SLC38A9: variants seen among roughly 807,000 people sequenced by gnomAD.
SLC38A9 encodes the protein solute carrier family 38 member 9.
In SLC38A9, 48 loss-of-function variants were observed where a neutral mutation model predicts 62.3. The observed-to-expected ratio is 0.77, with a 90% CI of 0.61 to 0.98. The LOEUF is 0.98. Among genes scored for constraint, SLC38A9 ranks in the 50% least tolerant of loss-of-function variants. The probability of loss-of-function intolerance (pLI) is 0.00; values close to 1 mark genes in which losing one functional copy is unlikely to be tolerated. For synonymous variants in SLC38A9, 204 were observed against 227.7 expected, an observed-to-expected ratio of 0.90 and a Z score of 0.94; for missense variants, 541 against 679.8, an observed-to-expected ratio of 0.80 and a Z score of 2.27.
chr5:55,709,801 A>C (rs1757763443), intron 2 of SLC38A9, among the ~76,000 whole-genome samples: 1 of 151,960 alleles, frequency 6.6e-6, no homozygotes, highest in South Asian at 2.1e-4. Context: ...CGTGTGTGGC[A>C]CACGCCTGTA....
Position 55,645,823 on chromosome 5 carries a change from GTGATGATACAATTA to G in SLC38A9, c.1119_1132del (p.Asn374ThrfsTer48). 6.2e-7 allele frequency: 1 copy of G among 1,611,234 alleles called. No homozygotes were observed. Among genetic ancestry groups the G allele is most frequent in the Non-Finnish European group, 8.5e-7 (1 of 1,178,616 alleles). The stretch of plus-strand genomic sequence containing the variant: ...TTGTTTCTTGTTGTTCTTCAAGAGT[GTGATGATACAATTA>G]TGAATAAAAAAAGCAAGGGTAAGCA... On this transcript the variant is annotated frameshift_variant, in exon 12 of 16. Coordinates refer to ENST00000396865, the MANE Select transcript of SLC38A9 (RefSeq NM_173514.4). LOFTEE classifies it high-confidence loss of function.
At chr5:55,643,093 A>G (rs1745695162) in intron 12 of SLC38A9, among the ~76,000 whole-genome samples, 1 of 152,192 alleles carries the variant, frequency 6.6e-6, no homozygotes, top group South Asian at 2.1e-4. Context: ...TCTGCAGACA[A>G]GCCAACAAGT....
chr5:55,712,138 A>G (rs190839083), intron 1 of SLC38A9, 79 bp downstream of exon 1: 1 of 151,732 alleles, frequency 6.6e-6, no homozygotes, highest in Non-Finnish European at 1.5e-5. Flanking sequence ...CCCAACTTCA[A>G]CCCTTCCCGC....
intron 8 of SLC38A9, among the ~76,000 whole-genome samples, chr5:55,657,044 A>G (rs906417209): frequency 1.2e-4 from 18 of 152,092 alleles, no homozygotes; most frequent in African/African-American, 4.1e-4. Context: ...GTATTTTTTT[A>G]GTAGAAACAG....
At chr5:55,657,105 C>A (rs1200885123) in intron 8 of SLC38A9, among the ~76,000 whole-genome samples, 2 of 152,150 alleles carry the variant, frequency 1.3e-5, no homozygotes, top group Non-Finnish European at 2.9e-5. Flanking sequence ...TCGTGATCCA[C>A]CCACCTCGGC....
chr5:55,645,585 A>T (rs1746195352), intron 12 of SLC38A9, among the ~76,000 whole-genome samples: 1 of 152,266 alleles, frequency 6.6e-6, no homozygotes, highest in African/African-American at 2.4e-5. Flanking sequence ...AACAAAAACC[A>T]TAAGGCCTAC....
Position 55,698,948 on chromosome 5 carries a change from C to A in SLC38A9, c.-34-956G>T, listed in dbSNP as rs2150642750. ...GAGTGAGACCCTGTCTCAAATCAAA[C>A]AAAAAACAACAAAAAAACAAACTGG... On this transcript the variant is annotated intron_variant, in intron 2 of 15. Transcript: ENST00000396865. Among the ~76,000 whole-genome samples the A allele has an allele frequency of 1.3e-5, 2 of 151,456 alleles. 1 individual carries two copies. The highest frequency in any genetic ancestry group is 2.9e-5 in the Non-Finnish European group (2 of 67,804).
intron 3 of SLC38A9, among the ~76,000 whole-genome samples, chr5:55,673,015 A>G (rs1347925122): frequency 6.6e-6 from 1 of 152,222 alleles, no homozygotes; most frequent in African/African-American, 2.4e-5. Context: ...ATTTCCAACA[A>G]TGAAACTTAA....
At chr5:55,683,581 A>G (rs1004240403) in intron 3 of SLC38A9, among the ~76,000 whole-genome samples, 2 of 152,228 alleles carry the variant, frequency 1.3e-5, no homozygotes, top group Non-Finnish European at 2.9e-5. Context: ...TTTCCTAGAC[A>G]CATATATGTA....
chr5:55,652,389 A>C, intron 10 of SLC38A9, 140 bp downstream of exon 10: 1 of 447,366 alleles, frequency 2.2e-6, no homozygotes, highest in Middle Eastern at 6.0e-4. Context: ...AAAGAAAGAA[A>C]GAACAAAACA....
intron 10 of SLC38A9, among the ~76,000 whole-genome samples, 178 bp from the exon 11 acceptor site, chr5:55,649,492 GA>G (rs1372904402): frequency 2.1e-5 from 2 of 95,624 alleles, no homozygotes; most frequent in African/African-American, 3.1e-5. Context: ...GGAGTTACCA[GA>G]AAAAAAACAA....
At chr5:55,703,666 G>A (rs148990988) in intron 2 of SLC38A9, among the ~76,000 whole-genome samples, 4 of 151,918 alleles carry the variant, frequency 2.6e-5, no homozygotes, top group Admixed American at 6.6e-5. Flanking sequence ...TTAACAATTC[G>A]GTTGACTTGT....
intron 3 of SLC38A9, chr5:55,693,569 G>T (rs1484517856): frequency 6.6e-6 from 1 of 152,154 alleles, no homozygotes; most frequent in African/African-American, 2.4e-5. Flanking sequence ...TTTGGAATAG[G>T]CTGCTGGCAT....
At chr5:55,650,683 T>G (rs1195216453) in intron 10 of SLC38A9, among the ~76,000 whole-genome samples, 1 of 152,196 alleles carries the variant, frequency 6.6e-6, no homozygotes, top group Non-Finnish European at 1.5e-5. Flanking sequence ...CAGCTTACAG[T>G]GAATCCTGTT....
chr5:55,694,677 C>G (rs942246404), intron 3 of SLC38A9, among the ~76,000 whole-genome samples: 32 of 151,592 alleles, frequency 2.1e-4, no homozygotes, highest in East Asian at 1.2e-3. Context: ...AGAGTTCTCC[C>G]TTTTCCCTTT....
At chr5:55,636,524 A>G (rs1201230014) in intron 12 of SLC38A9, among the ~76,000 whole-genome samples, 2 of 152,232 alleles carry the variant, frequency 1.3e-5, no homozygotes, top group East Asian at 3.8e-4. Context: ...ATTTTAAACA[A>G]AAATTACTCT....
At chr5:55,679,955 A>AT (rs2150419901) in intron 3 of SLC38A9, among the ~76,000 whole-genome samples, 1 of 152,378 alleles carries the variant, frequency 6.6e-6, no homozygotes, top group South Asian at 2.1e-4. Context: ...TTAACTTAAT[A>AT]TTTTGAAATA....
intron 8 of SLC38A9, among the ~76,000 whole-genome samples, chr5:55,660,331 T>C (rs1158129630): frequency 6.6e-6 from 1 of 152,158 alleles, no homozygotes; most frequent in East Asian, 1.9e-4. Context: ...GAGGATCACC[T>C]GAGCCTGGAG....
chr5:55,678,910 T>C (rs2150411770), intron 3 of SLC38A9, among the ~76,000 whole-genome samples: 1 of 152,220 alleles, frequency 6.6e-6, no homozygotes, highest in African/African-American at 2.4e-5. Flanking sequence ...TCCTCCTACC[T>C]TGGCCTCCCA....
Sources: gnomAD v4.1 joint callset for allele counts (sites outside exome capture counted in the v4.1 genomes callset) on GRCh38, gnomAD v4.1.1 for gene constraint, MANE v1.5 for transcripts, NCBI Gene and HGNC (gene_info 2026-07-23, HGNC 2026-07-21) for gene names.